PANK1: variants seen among roughly 807,000 people sequenced by gnomAD.
PANK1 encodes the protein pantothenic acid kinase 1.
PANK1 carries 18 observed loss-of-function variants against 40.1 expected under a neutral mutation model. The ratio of observed to expected loss-of-function variants is 0.45; its 90% confidence interval spans 0.31 to 0.67. The LOEUF (loss-of-function observed/expected upper bound fraction) is 0.67. PANK1 is among the 30% of genes least tolerant of loss of function. PANK1 has a pLI of 0.06. For missense variants in PANK1, 457 were observed against 599.6 expected (o/e 0.76, Z 2.48); for synonymous variants, 242 against 237.7 (o/e 1.02, Z -0.17).
intron 6 of PANK1, among the ~76,000 whole-genome samples, chr10:89,588,423 A>G (rs889281522): frequency 6.6e-6 from 1 of 152,146 alleles, no homozygotes. Flanking sequence ...CCTAATTTAC[A>G]TTTCCAGTGA....
At chr10:89,582,582 A>T (rs193036872), downstream of PANK1, 1 of 152,228 alleles carries the variant, frequency 6.6e-6, no homozygotes, top group Non-Finnish European at 1.5e-5. Context: ...ATAGGAATAG[A>T]AGAGGCCATC....
chr10:89,617,348 G>C (rs1845350948), intron 1 of PANK1, among the ~76,000 whole-genome samples: 1 of 152,168 alleles, frequency 6.6e-6, no homozygotes, highest in South Asian at 2.1e-4. Flanking sequence ...ATGATAACTT[G>C]GAAGGCAGAT....
chr10:89,635,583 A>G (rs1841779339), intron 1 of PANK1, among the ~76,000 whole-genome samples: 2 of 152,186 alleles, frequency 1.3e-5, no homozygotes, highest in South Asian at 4.1e-4. Context: ...GGCTCCCCAA[A>G]TTCATGTTCT....
chr10:89,616,554 G>A (rs1381301392), intron 1 of PANK1, among the ~76,000 whole-genome samples: 3 of 152,148 alleles, frequency 2.0e-5, no homozygotes, highest in African/African-American at 7.2e-5. Context: ...AGGAGGTCAA[G>A]GTTGTAGTGT....
intron 2 of PANK1, among the ~76,000 whole-genome samples, chr10:89,607,763 G>T (rs892153878): frequency 6.6e-6 from 1 of 152,084 alleles, no homozygotes; most frequent in Non-Finnish European, 1.5e-5. Flanking sequence ...ATTCTGCTTG[G>T]TTATTTAAAA....
At chr10:89,596,128 G>A (rs1167719851) in intron 3 of PANK1, among the ~76,000 whole-genome samples, 1 of 151,824 alleles carries the variant, frequency 6.6e-6, no homozygotes, top group African/African-American at 2.4e-5. Context: ...TACATTGCTG[G>A]TTTCAGCCTA....
At chr10:89,618,463 T>C (rs1415519353) in intron 1 of PANK1, among the ~76,000 whole-genome samples, 2 of 152,154 alleles carry the variant, frequency 1.3e-5, no homozygotes, top group Non-Finnish European at 2.9e-5. Flanking sequence ...ATCATCCAGA[T>C]ACTGTGCTGG....
At chr10:89,616,527 G>A (rs1845322874) in intron 1 of PANK1, among the ~76,000 whole-genome samples, 1 of 152,188 alleles carries the variant, frequency 6.6e-6, no homozygotes, top group Non-Finnish European at 1.5e-5. Context: ...GCTGAGGCAG[G>A]AGAATCTCTT....
chr10:89,617,024 T>C (rs1845340777), intron 1 of PANK1, among the ~76,000 whole-genome samples: 1 of 152,234 alleles, frequency 6.6e-6, no homozygotes, highest in African/African-American at 2.4e-5. Flanking sequence ...GGACAGGGCA[T>C]TTAATTACAG....
intron 1 of PANK1, among the ~76,000 whole-genome samples, chr10:89,621,693 T>C (rs1211232509): frequency 6.6e-6 from 1 of 152,058 alleles, no homozygotes; most frequent in Non-Finnish European, 1.5e-5. Context: ...GCAAGTTTCT[T>C]ACTTGAGCTA....
intron 3 of PANK1, among the ~76,000 whole-genome samples, chr10:89,596,132 C>A (rs1473202645): frequency 6.6e-6 from 1 of 151,960 alleles, no homozygotes; most frequent in Non-Finnish European, 1.5e-5. Flanking sequence ...TTGCTGGTTT[C>A]AGCCTACCTA....
chr10:89,644,499 C>T (rs1425681333), intron 1 of PANK1, 101 bp downstream of exon 1: 1 of 1,045,624 alleles, frequency 9.6e-7, no homozygotes, highest in East Asian at 2.9e-5. Context: ...GACGCGGGGG[C>T]GCACGGGGCG....
At chr10:89,632,250 G>T (rs894164315) in intron 1 of PANK1, among the ~76,000 whole-genome samples, 2 of 152,080 alleles carry the variant, frequency 1.3e-5, no homozygotes, top group Non-Finnish European at 2.9e-5. Context: ...GTGACTTTTG[G>T]AATAAAAACC....
chr10:89,611,879 G>A lies in PANK1; in HGVS notation c.462C>T (p.Val154=). 1 of 1,614,184 alleles carries A rather than the reference G, an allele frequency of 6.2e-7. No individual in the cohort carries two copies. The highest frequency in any genetic ancestry group is 8.5e-7 in the Non-Finnish European group (1 of 1,180,034). ...TAYGKTGIRD[V]HLELKNLTMC... Reference sequence around the variant, plus strand: ...TGGTCAGGTTTTTCAGTTCCAGGTGGACGTCTCGGATCCCAGTTTTCCCAT... The same window carrying A: ...TGGTCAGGTTTTTCAGTTCCAGGTGAACGTCTCGGATCCCAGTTTTCCCAT... Residue 154 remains valine, a synonymous_variant, in exon 2 of 7, where the codon GTC becomes GTT. Coordinates refer to ENST00000307534, the MANE Select transcript of PANK1 (RefSeq NM_148977.3).
At chr10:89,614,746 G>A (rs1007333447) in intron 1 of PANK1, among the ~76,000 whole-genome samples, 7 of 151,972 alleles carry the variant, frequency 4.6e-5, no homozygotes, top group South Asian at 2.1e-4. Flanking sequence ...GCAGCGAGCC[G>A]AGATTGCACC....
At position 89,588,658 on chromosome 10, in the gene PANK1, T is replaced by C. The variant is rs1844276955; in HGVS notation, c.1320A>G (p.Glu440=). ...SKGQLKALFL[E]HEGYFGAVGA... The stretch of plus-strand genomic sequence containing the variant: ...CTATGCAAGCTCAACCTACCTCATG[T>C]TCCAAAAACAGAGCTTTCAGTTGTC... Residue 440 remains glutamate, a synonymous_variant, in exon 6 of 7, where the codon GAA becomes GAG. Coordinates refer to ENST00000307534, the MANE Select transcript of PANK1 (RefSeq NM_148977.3). 18 of 1,600,554 alleles carry C rather than the reference T, an allele frequency of 1.1e-5. No individual in the cohort carries two copies. The highest frequency in any genetic ancestry group is 1.4e-5 in the Non-Finnish European group (17 of 1,175,092).
chr10:89,590,744 A>T (rs1320021720), intron 5 of PANK1, among the ~76,000 whole-genome samples: 1 of 152,176 alleles, frequency 6.6e-6, no homozygotes. Context: ...TTAAAAATGA[A>T]GCAATTTAAA....
At chr10:89,581,952 A>G (rs948262738), downstream of PANK1, 5 of 152,250 alleles carry the variant, frequency 3.3e-5, no homozygotes, top group Non-Finnish European at 5.9e-5. Flanking sequence ...AAACATCTCC[A>G]TACTAACATG....
chr10:89,622,676 A>T (rs1034488708), intron 1 of PANK1, among the ~76,000 whole-genome samples: 1 of 152,122 alleles, frequency 6.6e-6, no homozygotes, highest in Admixed American at 6.5e-5. Flanking sequence ...TCTACTAAAA[A>T]TACAAAAAAC....
Sources: allele counts gnomAD v4.1 joint callset (sites outside exome capture counted in the v4.1 genomes callset), GRCh38; gene constraint gnomAD v4.1.1; transcripts MANE v1.5; gene names NCBI Gene and HGNC (gene_info 2026-07-23, HGNC 2026-07-21).